The following CCDC178 variants were observed in gnomAD, a reference collection of about 807,000 sequenced individuals.
CCDC178 encodes coiled-coil domain-containing protein 178.
CCDC178 carries 126 observed loss-of-function variants against 117.4 expected under a neutral mutation model. The ratio of observed to expected loss-of-function variants is 1.07; its 90% CI spans 0.93 to 1.24. The LOEUF is 1.24. Among genes scored for constraint, CCDC178 ranks in the 50% most tolerant of loss-of-function variants. The pLI, the probability that CCDC178 is intolerant of heterozygous loss-of-function variation, is 0.00. For synonymous variants in CCDC178, 283 were observed against 313.4 expected (o/e 0.90, Z 1.02); for missense variants, 1,030 against 986.9 (o/e 1.04, Z -0.59).
At chr18:33,147,917 G>A (rs1389220210) in intron 20 of CCDC178, among the ~76,000 whole-genome samples, 38 of 151,964 alleles carry the variant, frequency 2.5e-4, no homozygotes, top group African/African-American at 8.9e-4. Flanking sequence ...GGGCAGAGGG[G>A]CTCCTCACTT....
chr18:33,125,150 A>G (rs1386141855), intron 20 of CCDC178, among the ~76,000 whole-genome samples: 1 of 151,886 alleles, frequency 6.6e-6, no homozygotes, highest in Non-Finnish European at 1.5e-5. Flanking sequence ...ATCTCATCCT[A>G]CCTTTGTAAT....
At chr18:33,149,278 TACTA>T (rs1263885809) in intron 20 of CCDC178, among the ~76,000 whole-genome samples, 1 of 152,212 alleles carries the variant, frequency 6.6e-6, no homozygotes, top group Non-Finnish European at 1.5e-5. Context: ...AATGGTTAAA[TACTA>T]ACTGACTTGG....
At chr18:32,948,848 A>C (rs2054412217) in intron 22 of CCDC178, among the ~76,000 whole-genome samples, 1 of 152,100 alleles carries the variant, frequency 6.6e-6, no homozygotes, top group Admixed American at 6.5e-5. Flanking sequence ...GGAGCCAATC[A>C]TTCGCTTCAG....
chr18:33,369,509 G>C (rs931252657), intron 6 of CCDC178, among the ~76,000 whole-genome samples: 17 of 151,888 alleles, frequency 1.1e-4, no homozygotes, highest in Middle Eastern at 3.2e-3. Context: ...ATGAGAAGTG[G>C]TATTTTTTGT....
At chr18:33,222,002 A>G (rs558535026) in intron 18 of CCDC178, among the ~76,000 whole-genome samples, 2 of 152,244 alleles carry the variant, frequency 1.3e-5, no homozygotes, top group East Asian at 3.9e-4. Context: ...AAATAATTAA[A>G]TTACATTAGT....
intron 21 of CCDC178, among the ~76,000 whole-genome samples, chr18:32,974,979 T>C (rs2055003036): frequency 6.6e-6 from 1 of 152,154 alleles, no homozygotes; most frequent in South Asian, 2.1e-4. Context: ...AAAATATTTC[T>C]ACTTCACCCA....
At position 32,937,803 on chromosome 18, in the gene CCDC178, T is replaced by A; in HGVS notation, c.*208A>T. ...GTCACCCAGAGCTGAAATTAGATCG[T>A]TCCTGACAGCAGCATGAAAGTCACC... On this transcript the variant is annotated 3_prime_UTR_variant, in exon 23 of 23. Transcript: ENST00000383096. 1.9e-6 allele frequency: 1 copy of A among 533,252 alleles called. No homozygotes were observed. The highest frequency in any genetic ancestry group is 1.9e-5 in the African/African-American group (1 of 52,222). The allele number at this position is 533,252 out of a possible 1,614,324, so 33.0% of individuals were successfully genotyped here. A position where few individuals can be genotyped will look rare whatever the true frequency, so the allele number is the denominator to read the frequency against.
intron 11 of CCDC178, among the ~76,000 whole-genome samples, chr18:33,298,930 G>A (rs2144899065): frequency 6.6e-6 from 1 of 152,036 alleles, no homozygotes; most frequent in South Asian, 2.1e-4. Flanking sequence ...GGAGGTCAAA[G>A]ACCTCTACAA....
rs1045097665 is a variant in CCDC178 at position 33,083,219 on chromosome 18, A to G, written c.2388+9542T>C. On this transcript the variant is annotated intron_variant, in intron 21 of 22. Transcript: ENST00000383096. Reference sequence around the variant, plus strand: ...AGAGGTAAATGACTTGCTCAAAATCATAGCTAGGAAGCAAAAGGGCAGGAT... The same window carrying G: ...AGAGGTAAATGACTTGCTCAAAATCGTAGCTAGGAAGCAAAAGGGCAGGAT... 2.0e-5 allele frequency among the ~76,000 whole-genome samples: 3 copies of G among 152,294 alleles called. No homozygotes were observed. In the East Asian group the frequency reaches 5.8e-4, roughly 29 times the overall value.
chr18:33,192,576 C>T (rs1299563579), intron 20 of CCDC178, among the ~76,000 whole-genome samples: 5 of 152,174 alleles, frequency 3.3e-5, no homozygotes, highest in African/African-American at 1.2e-4. Context: ...GGCTTTCCAA[C>T]AGAAAATTGT....
chr18:33,049,166 A>T (rs747546354), intron 21 of CCDC178, among the ~76,000 whole-genome samples: 10 of 152,132 alleles, frequency 6.6e-5, no homozygotes, highest in Non-Finnish European at 1.2e-4. Context: ...AACTTTTTTC[A>T]TAGCCTCACA....
chr18:33,427,542 C>T (rs1408742432), intron 2 of CCDC178, among the ~76,000 whole-genome samples: 1 of 152,104 alleles, frequency 6.6e-6, no homozygotes, highest in Non-Finnish European at 1.5e-5. Flanking sequence ...TCTTCTCTTT[C>T]TTTGATAAAG....
At chr18:33,330,652 TAAGG>T (rs746355210) in intron 10 of CCDC178, among the ~76,000 whole-genome samples, 10 of 152,186 alleles carry the variant, frequency 6.6e-5, no homozygotes, top group Non-Finnish European at 1.5e-4. Flanking sequence ...AGACTGATTT[TAAGG>T]ACAAGGCTCA....
At chr18:33,424,885 T>A (rs1214155933) in intron 2 of CCDC178, among the ~76,000 whole-genome samples, 2 of 152,172 alleles carry the variant, frequency 1.3e-5, no homozygotes, top group African/African-American at 4.8e-5. Context: ...CTTTCAGCTA[T>A]CTGCCCATCC....
At chr18:33,300,606 C>A (rs111557559) in intron 11 of CCDC178, among the ~76,000 whole-genome samples, 3 of 152,250 alleles carry the variant, frequency 2.0e-5, no homozygotes, top group African/African-American at 7.2e-5. Context: ...CTATTGGGAA[C>A]TGGAGTAAAG....
rs369867403 is a variant in CCDC178 at position 33,316,349 on chromosome 18, G to T, written c.1022+7142C>A. Among the ~76,000 whole-genome samples, 96 of 152,302 alleles carry T rather than the reference G, an allele frequency of 6.3e-4. 2 individuals are homozygous for T. In the East Asian group the frequency reaches 7.3e-3, roughly 12 times the overall value. ...CCGGCTGCAAGCCCAGGGCAGTAAG[G>T]GGCTTAGCACCTGGGCGGGCAGCTG... On this transcript the variant is annotated intron_variant, in intron 11 of 22. Transcript: ENST00000383096.
chr18:33,114,549 C>T (rs1030737076), intron 20 of CCDC178, among the ~76,000 whole-genome samples: 1 of 151,956 alleles, frequency 6.6e-6, no homozygotes, highest in Non-Finnish European at 1.5e-5. Flanking sequence ...TAATCTGTCC[C>T]TAAGTTAAAG....
intron 5 of CCDC178, among the ~76,000 whole-genome samples, chr18:33,387,259 T>C (rs1490053019): frequency 6.6e-6 from 1 of 152,168 alleles, no homozygotes; most frequent in Non-Finnish European, 1.5e-5. Context: ...GAAGAATCAA[T>C]ATCTTGAAAA....
In CCDC178 at chr18:32,945,613, C is replaced by A. The variant is rs532673624; in HGVS notation, c.2524-7522G>T. Among the ~76,000 whole-genome samples, 12 of 152,220 alleles carry A rather than the reference C, an allele frequency of 7.9e-5. No homozygotes were observed. In the South Asian group the frequency reaches 1.0e-3, roughly 13 times the overall value. The stretch of plus-strand genomic sequence containing the variant: ...CTGTGTAAGCACAATTTGGAGAAGG[C>A]CACATGGCTTAACATATTGAAGCAC... On this transcript the variant is annotated intron_variant, in intron 22 of 22. Transcript: ENST00000383096.
Sources: gnomAD v4.1 joint callset for allele counts (sites outside exome capture counted in the v4.1 genomes callset) on GRCh38, gnomAD v4.1.1 for gene constraint, MANE v1.5 for transcripts, NCBI Gene and HGNC (gene_info 2026-07-23, HGNC 2026-07-21) for gene names.